The following SLC25A48 variants were observed in gnomAD, a reference collection of about 807,000 sequenced individuals.
The protein encoded by SLC25A48 is CTC-321K16.1.
A neutral mutation model predicts 32.2 loss-of-function variants in SLC25A48; 29 were observed. That is an observed-to-expected ratio of 0.90 (90% CI 0.67 to 1.23). SLC25A48 has a LOEUF of 1.23. Among genes scored for constraint, SLC25A48 ranks in the 50% most tolerant of loss-of-function variants. SLC25A48 has a pLI of 0.00. For synonymous variants in SLC25A48, 164 were observed against 172.3 expected (o/e 0.95, Z 0.38); for missense variants, 399 against 422.7 (o/e 0.94, Z 0.49).
intron 3 of SLC25A48, among the ~76,000 whole-genome samples, chr5:135,647,827 T>C (rs2126922306): frequency 1.3e-5 from 2 of 152,330 alleles, no homozygotes; most frequent in South Asian, 4.1e-4. Flanking sequence ...TAGCTTTCTT[T>C]GTAGTATGAC....
At chr5:135,806,374 C>A (rs898036286) in intron 3 of SLC25A48, among the ~76,000 whole-genome samples, 9 of 150,924 alleles carry the variant, frequency 6.0e-5, no homozygotes, top group African/African-American at 2.2e-4. Flanking sequence ...TCATTAATAT[C>A]TTAGTGTGTT....
In SLC25A48 at chr5:135,871,541, A is replaced by G; in HGVS notation, c.502A>G (p.Ile168Val). ...YQGPVHCITT[I>V]VRNEGLAGLY... The stretch of plus-strand genomic sequence containing the variant: ...GGGGCCAGTGCACTGCATTACAACC[A>G]TTGTGAGGAATGAGGGCCTGGCGGG... The change falls in exon 5 of 8, where the codon ATT becomes GTT. Residue 168 changes from isoleucine to valine, a missense_variant. Transcript: ENST00000681962. The G allele has an allele frequency of 6.2e-7, 1 of 1,614,178 alleles. No homozygotes were observed. The highest frequency in any genetic ancestry group is 2.2e-5 in the East Asian group (1 of 44,882).
intron 1 of SLC25A48, among the ~76,000 whole-genome samples, chr5:135,594,130 T>C (rs764774736): frequency 6.6e-6 from 1 of 152,250 alleles, no homozygotes; most frequent in Non-Finnish European, 1.5e-5. Flanking sequence ...GTGACTTTAG[T>C]GGTCAAGGAG....
chr5:135,699,172 T>C (rs539184685), intron 3 of SLC25A48, among the ~76,000 whole-genome samples: 2 of 152,294 alleles, frequency 1.3e-5, no homozygotes, highest in Admixed American at 1.3e-4. Flanking sequence ...TTTCTAATTA[T>C]TTACCATAGA....
intron 1 of SLC25A48, among the ~76,000 whole-genome samples, chr5:135,614,457 T>C (rs1218066236): frequency 6.6e-6 from 1 of 152,198 alleles, no homozygotes; most frequent in East Asian, 1.9e-4. Flanking sequence ...CTGTGTTGAA[T>C]ACGAGTGGCA....
chr5:135,586,289 AG>A (rs1751364837), intron 1 of SLC25A48, among the ~76,000 whole-genome samples: 1 of 152,230 alleles, frequency 6.6e-6, no homozygotes, highest in Non-Finnish European at 1.5e-5. Flanking sequence ...CCTGGTCCTC[AG>A]TTCTTCTCCC....
At chr5:135,701,474 C>G (rs145403329) in intron 3 of SLC25A48, among the ~76,000 whole-genome samples, 4 of 151,952 alleles carry the variant, frequency 2.6e-5, no homozygotes, top group South Asian at 2.1e-4. Context: ...AACTCCCCCC[C>G]GCCACCGGCC....
chr5:135,590,747 A>C (rs1262404025), intron 1 of SLC25A48, among the ~76,000 whole-genome samples: 1 of 152,086 alleles, frequency 6.6e-6, no homozygotes, highest in African/African-American at 2.4e-5. Flanking sequence ...GGCTTTGGAG[A>C]AAAGACAATA....
At chr5:135,879,829 C>G (rs1475873520) in intron 6 of SLC25A48, 139 bp from the exon 7 acceptor site, 5 of 1,248,000 alleles carry the variant, frequency 4.0e-6, no homozygotes, top group Non-Finnish European at 5.4e-6. Context: ...TGTGTGGTCT[C>G]TGCCTGCACA....
intron 1 of SLC25A48, among the ~76,000 whole-genome samples, chr5:135,599,875 G>A (rs1232145021): frequency 6.6e-6 from 1 of 152,126 alleles, no homozygotes; most frequent in Non-Finnish European, 1.5e-5. Flanking sequence ...TGCCTCCCCA[G>A]AAGCCTTGTA....
At chr5:135,840,528 C>T (rs1338120739) in intron 1 of SLC25A48, among the ~76,000 whole-genome samples, 1 of 152,222 alleles carries the variant, frequency 6.6e-6, no homozygotes, top group Non-Finnish European at 1.5e-5. Flanking sequence ...ACATTTTTCT[C>T]ATGACCAAAG....
chr5:135,719,169 G>A (rs1754886546), intron 3 of SLC25A48, among the ~76,000 whole-genome samples: 1 of 152,206 alleles, frequency 6.6e-6, no homozygotes. Context: ...TAATTTAAAA[G>A]ATGGGCTAAC....
intron 1 of SLC25A48, among the ~76,000 whole-genome samples, chr5:135,583,697 G>C (rs953368435): frequency 6.6e-6 from 1 of 151,862 alleles, no homozygotes; most frequent in Non-Finnish European, 1.5e-5. Context: ...AAGATCCTGG[G>C]CTCCAGTAAC....
intron 3 of SLC25A48, among the ~76,000 whole-genome samples, chr5:135,743,444 T>A (rs1755558512): frequency 6.6e-6 from 1 of 152,022 alleles, no homozygotes; most frequent in Non-Finnish European, 1.5e-5. Context: ...ATTGTGCTAA[T>A]TGTCCTATGA....
rs982439556 is a variant in SLC25A48 at position 135,627,677 on chromosome 5, G to A, written c.-848-1560G>A. On this transcript the variant is annotated intron_variant, in intron 1 of 10. Coordinates refer to the SLC25A48 transcript ENST00000646290. ...TTTATTTCTCTCCCATCTCCATTTT[G>A]CTGAGGAGTCAGCATTTGCTGCAGT... Among the ~76,000 whole-genome samples, 34 of 151,968 alleles carry A rather than the reference G, an allele frequency of 2.2e-4. 1 individual carries two copies. The highest frequency in any genetic ancestry group is 2.2e-3 in the Admixed American group (34 of 15,260).
rs192017745 is a variant in SLC25A48, at chr5:135,694,275, G to A, written c.-521+59319G>A. Among the ~76,000 whole-genome samples the A allele has an allele frequency of 1.8e-4, 28 of 152,252 alleles. No homozygotes were observed. In the South Asian group the frequency reaches 2.1e-3, roughly 11 times the overall value. The stretch of plus-strand genomic sequence containing the variant: ...ACCGCTGAGTACACAGATGTGTCCC[G>A]CCCACACAGGCTTCCAGAGGCCCCA... On this transcript the variant is annotated intron_variant, in intron 3 of 10. Transcript: ENST00000646290.
At chr5:135,873,924 G>T in intron 5 of SLC25A48, 97 bp from the exon 6 acceptor site, 1 of 1,328,542 alleles carries the variant, frequency 7.5e-7, no homozygotes, top group South Asian at 1.6e-5. Flanking sequence ...CCTTCTCCCA[G>T]CTTAATGAAT....
intron 7 of SLC25A48, among the ~76,000 whole-genome samples, chr5:135,882,532 T>C (rs1476147831): frequency 6.6e-6 from 1 of 152,066 alleles, no homozygotes; most frequent in Non-Finnish European, 1.5e-5. Context: ...GACTTGAGAA[T>C]TGTTTCTAAG....
intron 1 of SLC25A48, among the ~76,000 whole-genome samples, chr5:135,612,503 T>G (rs779956881): frequency 3.3e-5 from 5 of 152,210 alleles, no homozygotes; most frequent in Non-Finnish European, 7.3e-5. Flanking sequence ...CTGTCCCCAT[T>G]GACCCACCTC....
Sources: allele counts gnomAD v4.1 joint callset (sites outside exome capture counted in the v4.1 genomes callset), GRCh38; gene constraint gnomAD v4.1.1; transcripts MANE v1.5; gene names NCBI Gene and HGNC (gene_info 2026-07-23, HGNC 2026-07-21).